NCALD: variants seen among roughly 807,000 people sequenced by gnomAD.
NCALD encodes the protein neurocalcin-delta.
In NCALD, 10 loss-of-function variants were observed where a neutral mutation model predicts 18.6. The observed-to-expected ratio is 0.54, with a 90% CI of 0.33 to 0.91. NCALD has a LOEUF of 0.91. Ranked by LOEUF, NCALD falls within the 40% of genes least tolerant of loss-of-function variation. The probability of loss-of-function intolerance (pLI) is 0.03; values close to 1 mark genes in which losing one functional copy is unlikely to be tolerated. For synonymous variants in NCALD, 88 were observed against 87.4 expected (o/e 1.01, Z -0.04); for missense variants, 184 against 247.6 (o/e 0.74, Z 1.72).
intron 4 of NCALD, among the ~76,000 whole-genome samples, chr8:101,840,257 A>G (rs1345924088): frequency 6.6e-6 from 1 of 152,176 alleles, no homozygotes; most frequent in Non-Finnish European, 1.5e-5. Context: ...AGAAAAGAAA[A>G]TAGTGATAGA....
In NCALD at chr8:101,937,774, T is replaced by C. The variant is rs548447581; in HGVS notation, c.-156-21916A>G. Among the ~76,000 whole-genome samples, 7 of 152,302 alleles carry C rather than the reference T, an allele frequency of 4.6e-5. No homozygotes were observed. The South Asian group carries it at 6.2e-4, about 14-fold the overall frequency. The stretch of plus-strand genomic sequence containing the variant: ...GATGCAAATGTGATCAAGACAGGCA[T>C]GGTTTCTGCCCTCATGGAGCTTACA... On this transcript the variant is annotated intron_variant, in intron 2 of 6. Transcript: ENST00000311028.
At chr8:101,707,829 C>T (rs1815601373) in intron 2 of NCALD, among the ~76,000 whole-genome samples, 1 of 152,002 alleles carries the variant, frequency 6.6e-6, no homozygotes, top group Non-Finnish European at 1.5e-5. Context: ...GATTGCACTA[C>T]TGCACTCCAG....
chr8:101,728,446 G>A (rs1312444914), intron 1 of NCALD, among the ~76,000 whole-genome samples: 18 of 152,178 alleles, frequency 1.2e-4, no homozygotes, highest in Admixed American at 1.2e-3. Context: ...GAATTTGCAA[G>A]AATCGAGCAG....
chr8:101,952,243 A>G (rs1819456462), intron 2 of NCALD, among the ~76,000 whole-genome samples: 1 of 152,114 alleles, frequency 6.6e-6, no homozygotes, highest in Non-Finnish European at 1.5e-5. Context: ...CAGGACTCCA[A>G]GTCTGTCCCA....
intron 3 of NCALD, among the ~76,000 whole-genome samples, chr8:101,897,062 C>A (rs1202301667): frequency 2.9e-5 from 2 of 68,828 alleles, no homozygotes; most frequent in African/African-American, 1.7e-4. Flanking sequence ...AAGACACATG[C>A]ACACGTATGT....
intron 4 of NCALD, among the ~76,000 whole-genome samples, chr8:101,812,830 A>T (rs927728291): frequency 1.3e-4 from 20 of 152,174 alleles, no homozygotes; most frequent in African/African-American, 4.8e-4. Context: ...CCTCAGTATC[A>T]TACCAATAAT....
intron 2 of NCALD, among the ~76,000 whole-genome samples, chr8:101,961,954 C>G (rs1819851214): frequency 6.6e-6 from 1 of 152,096 alleles, no homozygotes; most frequent in South Asian, 2.1e-4. Context: ...TGGCATTTCA[C>G]TCAGATATAT....
chr8:101,753,974 G>C (rs1810768421), intron 1 of NCALD, among the ~76,000 whole-genome samples: 2 of 152,184 alleles, frequency 1.3e-5, no homozygotes, highest in Admixed American at 1.3e-4. Flanking sequence ...AATAGGAAAA[G>C]AGAAGGATCC....
At chr8:102,068,222 A>G (rs1035799623) in intron 1 of NCALD, among the ~76,000 whole-genome samples, 4 of 152,218 alleles carry the variant, frequency 2.6e-5, no homozygotes, top group African/African-American at 9.6e-5. Context: ...AGGAGTGATC[A>G]GGGAGATCTC....
intron 1 of NCALD, among the ~76,000 whole-genome samples, chr8:102,116,233 T>C (rs1243867105): frequency 6.6e-6 from 1 of 152,098 alleles, no homozygotes; most frequent in African/African-American, 2.4e-5. Flanking sequence ...GTTGTGCACA[T>C]GTACCCTAGA....
chr8:101,898,822 A>G (rs1164824167), intron 3 of NCALD, among the ~76,000 whole-genome samples: 1 of 152,032 alleles, frequency 6.6e-6, no homozygotes, highest in Non-Finnish European at 1.5e-5. Context: ...GATTTCTCCT[A>G]CTTTATTTTT....
intron 4 of NCALD, among the ~76,000 whole-genome samples, chr8:101,831,861 T>TTAGGAAA (rs1195838599): frequency 8.5e-5 from 13 of 152,296 alleles, no homozygotes; most frequent in Non-Finnish European, 1.6e-4. Flanking sequence ...GAAATCCAAA[T>TTAGGAAA]TCCCGATGCC....
intron 3 of NCALD, 123 bp downstream of exon 3, chr8:101,692,668 C>A (rs1343065053): frequency 2.2e-6 from 3 of 1,390,432 alleles, no homozygotes; most frequent in Non-Finnish European, 2.9e-6. Context: ...TCCTACCCAC[C>A]CAGGAGGCTT....
chr8:102,015,887 C>T (rs1822066528), intron 2 of NCALD, among the ~76,000 whole-genome samples: 1 of 152,054 alleles, frequency 6.6e-6, no homozygotes, highest in Non-Finnish European at 1.5e-5. Flanking sequence ...TGAGATGAGC[C>T]CCAGCTCTCT....
intron 1 of NCALD, among the ~76,000 whole-genome samples, chr8:102,049,085 G>A (rs940261760): frequency 6.6e-6 from 1 of 152,168 alleles, no homozygotes; most frequent in Admixed American, 6.5e-5. Context: ...TTAATGGTAG[G>A]TATGGCCTTT....
rs540114738 is a variant in NCALD, at chr8:101,910,904, A to G, written c.-107+4905T>C. Among the ~76,000 whole-genome samples, 6 of 152,338 alleles carry G rather than the reference A, an allele frequency of 3.9e-5. No homozygotes were observed. The East Asian group carries it at 1.2e-3, about 29-fold the overall frequency. ...CTTTCCTAAGAATTTAGCCCTGATC[A>G]ACAATCACTTTGCTCTATGACCTTC... On this transcript the variant is annotated intron_variant, in intron 3 of 6. Transcript: ENST00000311028.
At chr8:102,049,600 T>C (rs1263038672) in intron 1 of NCALD, among the ~76,000 whole-genome samples, 1 of 152,204 alleles carries the variant, frequency 6.6e-6, no homozygotes, top group Non-Finnish European at 1.5e-5. Flanking sequence ...ATATTTAGTT[T>C]TGTAAGAAAC....
chr8:102,062,338 C>T (rs16868986), intron 1 of NCALD, among the ~76,000 whole-genome samples: 9,097 of 152,192 alleles, frequency 0.06, 633 homozygotes, highest in African/African-American at 0.17. Context: ...AGAGGTAGTC[C>T]GCCTTTTTGA....
chr8:101,830,326 C>A (rs980769971), intron 4 of NCALD, among the ~76,000 whole-genome samples: 2 of 152,044 alleles, frequency 1.3e-5, no homozygotes, highest in African/African-American at 4.8e-5. Context: ...TTTGGGAGGC[C>A]GAGGCAGGCG....
Sources: allele counts gnomAD v4.1 joint callset (sites outside exome capture counted in the v4.1 genomes callset), GRCh38; gene constraint gnomAD v4.1.1; transcripts MANE v1.5; gene names NCBI Gene and HGNC (gene_info 2026-07-23, HGNC 2026-07-21).